Variants in ZER1 observed in about 807,000 individuals in gnomAD.
ZER1 encodes zyg-11 related cell cycle regulator.
ZER1 carries 11 observed loss-of-function variants against 78.8 expected under a neutral mutation model. The observed-to-expected ratio is 0.14, with a 90% CI of 0.09 to 0.23. The LOEUF is 0.23. Among genes scored for constraint, ZER1 ranks in the 10% least tolerant of loss-of-function variants. ZER1 has a pLI of 1.00. For missense variants in ZER1, 588 were observed against 996.9 expected, an observed-to-expected ratio of 0.59 and a Z score of 5.52; for synonymous variants, 400 against 407.0, an observed-to-expected ratio of 0.98 and a Z score of 0.21.
At chr9:128,741,030 A>C in intron 11 of ZER1, 143 bp from the exon 12 acceptor site, 1 of 624,950 alleles carries the variant, frequency 1.6e-6, no homozygotes, top group Non-Finnish European at 2.9e-6. Context: ...CTACCCTCCA[A>C]TGCTCCTAGG....
intron 9 of ZER1, 66 bp from the exon 10 acceptor site, chr9:128,741,907 A>G: frequency 2.5e-6 from 4 of 1,604,684 alleles, no homozygotes; most frequent in Non-Finnish European, 3.4e-6. Context: ...CACGAACCCA[A>G]GATGGAGGGG....
chr9:128,741,859 A>T lies in ZER1; in HGVS notation c.1576-18T>A. The T allele has an allele frequency of 6.2e-7, 1 of 1,614,198 alleles. No individual in the cohort carries two copies. Among genetic ancestry groups the T allele is most frequent in the Non-Finnish European group, 8.5e-7 (1 of 1,180,018 alleles). Reference sequence around the variant, plus strand: ...AGCATGGTCTGCAGGCAGGGACAAGAGTCTGCTAGAGTGCTGGGGCTGAAG... The same window carrying T: ...AGCATGGTCTGCAGGCAGGGACAAGTGTCTGCTAGAGTGCTGGGGCTGAAG... On this transcript the variant is annotated intron_variant, in intron 9 of 15. Coordinates refer to ENST00000291900, the MANE Select transcript of ZER1 (RefSeq NM_006336.4).
At chr9:128,750,561 C>G in intron 8 of ZER1, 55 bp downstream of exon 8, 1 of 1,592,026 alleles carries the variant, frequency 6.3e-7, no homozygotes, top group Non-Finnish European at 8.6e-7. Context: ...ACGCAAGAAG[C>G]AGGAAAGGGG....
At chr9:128,757,853 G>A (rs576818865) in intron 1 of ZER1, among the ~76,000 whole-genome samples, 31 of 152,032 alleles carry the variant, frequency 2.0e-4, no homozygotes, top group African/African-American at 6.5e-4. Context: ...ACGTACATAC[G>A]TTCAACACTT....
chr9:128,731,441 G>T, intron 15 of ZER1, 47 bp from the exon 16 acceptor site: 1 of 704,910 alleles, frequency 1.4e-6, no homozygotes. Flanking sequence ...CTTGGGTGGG[G>T]GTGAGCCCAG....
chr9:128,757,175 A>G (rs1178035612), intron 1 of ZER1, among the ~76,000 whole-genome samples: 1 of 152,144 alleles, frequency 6.6e-6, no homozygotes, highest in East Asian at 1.9e-4. Flanking sequence ...GAAGAGAAAA[A>G]AACTGATAAA....
chr9:128,752,541 TA>T, intron 5 of ZER1, 131 bp downstream of exon 5: 1 of 1,014,870 alleles, frequency 9.9e-7, no homozygotes, highest in Non-Finnish European at 1.4e-6. Flanking sequence ...GGCTGGTCTC[TA>T]ACTCCTGGCC....
chr9:128,734,144 A>AAAAAAAAATATATAT, intron 14 of ZER1, among the ~76,000 whole-genome samples: 2 of 14,456 alleles, frequency 1.4e-4, no homozygotes, highest in African/African-American at 3.7e-4. Context: ...AAAAAAAAAA[A>AAAAAAAAATATATAT]ATATATATAT....
At chr9:128,761,332 G>A (rs1414750413) in intron 1 of ZER1, among the ~76,000 whole-genome samples, 1 of 151,838 alleles carries the variant, frequency 6.6e-6, no homozygotes, top group Non-Finnish European at 1.5e-5. Flanking sequence ...TGTCACCCAG[G>A]CTGGAGTGCA....
Position 128,751,043 on chromosome 9 carries a change from TG to T in ZER1, c.1185+78del. On this transcript the variant is annotated intron_variant, in intron 7 of 15. Coordinates refer to ENST00000291900, the MANE Select transcript of ZER1 (RefSeq NM_006336.4). The surrounding 1 kb of genome is among the most constrained non-coding windows in gnomAD (Gnocchi z 5.4). Reference sequence around the variant, plus strand: ...ACAGGGTGCAGAAGGACACAGGCTCTGGGGACACGGCTCAGCCAAGCCCGGC... The same window carrying T: ...ACAGGGTGCAGAAGGACACAGGCTCTGGGACACGGCTCAGCCAAGCCCGGC... 6 of 1,512,790 alleles carry T rather than the reference TG, an allele frequency of 4.0e-6. No individual in the cohort carries two copies. Among genetic ancestry groups the T allele is most frequent in the Non-Finnish European group, 5.3e-6 (6 of 1,131,168 alleles). The allele number at this position is 1,512,790 out of a possible 1,614,324, so 93.7% of individuals were successfully genotyped here.
At position 128,768,458 on chromosome 9, in the gene ZER1, A is replaced by C. The variant is rs538519366; in HGVS notation, c.-95+3123T>G. 2.6e-5 allele frequency among the ~76,000 whole-genome samples: 4 copies of C among 152,280 alleles called. No homozygotes were observed. The South Asian group carries it at 8.3e-4, about 32-fold the overall frequency. ...GAGGCAAGGGAAGGCCATTATTCTTAATCTACAAATAGGAAAACTGAGGCC... is the reference window on the plus strand; with the variant it reads ...GAGGCAAGGGAAGGCCATTATTCTTCATCTACAAATAGGAAAACTGAGGCC... On this transcript the variant is annotated intron_variant, in intron 1 of 15. Coordinates refer to ENST00000291900, the MANE Select transcript of ZER1 (RefSeq NM_006336.4).
At chr9:128,741,689 T>C in intron 10 of ZER1, 35 bp from the exon 11 acceptor site, 1 of 1,614,022 alleles carries the variant, frequency 6.2e-7, no homozygotes, top group Middle Eastern at 1.7e-4. Context: ...CCAAGGCTCC[T>C]GGTACCCGGG....
chr9:128,750,505 G>A, intron 8 of ZER1, 111 bp downstream of exon 8: 1 of 1,285,136 alleles, frequency 7.8e-7, no homozygotes, highest in South Asian at 1.4e-5. Context: ...CTGTGGGAAA[G>A]GGAGCTGGGA....
intron 13 of ZER1, among the ~76,000 whole-genome samples, chr9:128,739,083 C>T (rs1025576934): frequency 2.6e-5 from 4 of 151,752 alleles, no homozygotes; most frequent in African/African-American, 9.7e-5. Flanking sequence ...AACTCCTGAC[C>T]TCGTGATCTG....
Position 128,735,322 on chromosome 9 carries a change from G to A in ZER1, c.2140+12C>T, listed in dbSNP as rs1290995992. The A allele has an allele frequency of 1.2e-6, 2 of 1,610,306 alleles. No individual in the cohort carries two copies. Among genetic ancestry groups the A allele is most frequent in the Non-Finnish European group, 8.5e-7 (1 of 1,178,176 alleles). ...GGATGAGTGTCTGAACCCAGGACAA[G>A]TTGGCACTCACGGTAGACAGACACG... On this transcript the variant is annotated intron_variant, in intron 14 of 15. Transcript: ENST00000291900.
intron 7 of ZER1, 64 bp from the exon 8 acceptor site, chr9:128,750,853 G>T: frequency 6.3e-7 from 1 of 1,588,982 alleles, no homozygotes; most frequent in Non-Finnish European, 8.6e-7. Flanking sequence ...TCTGCAAGGG[G>T]CTGGAACAGG....
At position 128,741,790 on chromosome 9, in the gene ZER1, C is replaced by A. The variant is rs2132412896; in HGVS notation, c.1617+10G>T. ...AAAGGGTAGCGTGGCTTCGTGAAGA[C>A]TTGACTTACTGTCTTGTCCAGCAGC... is the stretch of plus-strand genomic sequence containing the variant. On this transcript the variant is annotated intron_variant, in intron 10 of 15. Coordinates refer to ENST00000291900, the MANE Select transcript of ZER1 (RefSeq NM_006336.4). 6.2e-7 allele frequency: 1 copy of A among 1,614,190 alleles called. No individual in the cohort carries two copies. The highest frequency in any genetic ancestry group is 1.1e-5 in the South Asian group (1 of 91,090).
Position 128,733,730 on chromosome 9 carries a change from A to G in ZER1, c.2141-202T>C, listed in dbSNP as rs576514357. 3.4e-4 allele frequency among the ~76,000 whole-genome samples: 52 copies of G among 151,494 alleles called. 1 individual carries two copies. Among genetic ancestry groups the G allele is most frequent in the African/African-American group, 1.2e-3 (51 of 41,330 alleles). ...GTTCTGCGTCCATGTAGGGGAGGCA[A>G]GAGGTGACTCCTTGGTTTGAAGTTG... On this transcript the variant is annotated intron_variant, in intron 14 of 15. Transcript: ENST00000291900.
rs956601033 is a variant in ZER1 at position 128,771,564 on chromosome 9, C to G, written c.-95+17G>C. 12 of 152,406 alleles carry G rather than the reference C, an allele frequency of 7.9e-5. No homozygotes were observed. The highest frequency in any genetic ancestry group is 1.8e-4 in the Non-Finnish European group (12 of 68,168). 9.4% of individuals were successfully genotyped at this position (152,406 alleles called of 1,614,324 possible). A position where few individuals can be genotyped will look rare whatever the true frequency, so the allele number is the denominator to read the frequency against. ...GAGGACGCAGGTACGTCCCTTGGCCCGGGGTCCGGGACCTACCCTGGACGG... is the reference window on the plus strand; with the variant it reads ...GAGGACGCAGGTACGTCCCTTGGCCGGGGGTCCGGGACCTACCCTGGACGG... On this transcript the variant is annotated intron_variant, in intron 1 of 15. Transcript: ENST00000291900.
Sources: allele counts gnomAD v4.1 joint callset (sites outside exome capture counted in the v4.1 genomes callset), GRCh38; gene constraint gnomAD v4.1.1; non-coding constraint Gnocchi (gnomAD v3.1); transcripts MANE v1.5; gene names NCBI Gene and HGNC (gene_info 2026-07-23, HGNC 2026-07-21).